Variants in NUAK2 observed in about 807,000 individuals in gnomAD.
The protein encoded by NUAK2 is NUAK family SNF1-like kinase 2.
Under a neutral mutation model 29.8 loss-of-function variants are expected in NUAK2, and 20 were observed. The observed-to-expected ratio is 0.67, with a 90% CI of 0.47 to 0.98. The LOEUF is 0.98. NUAK2 is among the 50% of genes least tolerant of loss of function. NUAK2 has a pLI of 0.00. For synonymous variants in NUAK2, 331 were observed against 342.6 expected, an observed-to-expected ratio of 0.97 and a Z score of 0.37; for missense variants, 719 against 834.5, an observed-to-expected ratio of 0.86 and a Z score of 1.71.
In NUAK2 at chr1:205,308,799, C is replaced by T. The variant is rs1267396222; in HGVS notation, c.353-67G>A. 4 of 1,567,880 alleles carry T rather than the reference C, an allele frequency of 2.6e-6. No homozygotes were observed. The Admixed American group carries it at 6.8e-5, about 27-fold the overall frequency. ...GCACTGCTCTCCACTGGGGGTGACT[C>T]ACTCCTCCCCGACCCCAGGCCCCAA... On this transcript the variant is annotated intron_variant, in intron 2 of 6. Coordinates refer to ENST00000367157, the MANE Select transcript of NUAK2 (RefSeq NM_030952.3). This position sits in a 1 kb window ranked among gnomAD's most constrained non-coding sequence, Gnocchi z 4.1.
At chr1:205,306,798 G>A (rs940107230) in intron 4 of NUAK2, among the ~76,000 whole-genome samples, 3 of 152,154 alleles carry the variant, frequency 2.0e-5, no homozygotes, top group Non-Finnish European at 1.5e-5. Flanking sequence ...GATGTTTAGT[G>A]ATGGAAAGGA....
Position 205,302,942 on chromosome 1 carries a change from C to G in NUAK2, c.*508G>C, listed in dbSNP as rs1463358580. 6.6e-6 allele frequency: 1 copy of G among 152,346 alleles called. No individual in the cohort carries two copies. The highest frequency in any genetic ancestry group is 2.4e-5 in the African/African-American group (1 of 41,436). The allele number at this position is 152,346 out of a possible 1,614,324, so 9.4% of individuals were successfully genotyped here. On this transcript the variant is annotated 3_prime_UTR_variant, in exon 7 of 7. Coordinates refer to ENST00000367157, the MANE Select transcript of NUAK2 (RefSeq NM_030952.3). ...TAAAAATAAAAATAACGAAGCGTTA[C>G]TCCAGACCATTCCCAGGATGCCTCA...
At chr1:205,313,140 T>C (rs1349607647) in intron 1 of NUAK2, among the ~76,000 whole-genome samples, 2 of 152,070 alleles carry the variant, frequency 1.3e-5, no homozygotes, top group Non-Finnish European at 2.9e-5. Flanking sequence ...TTCTGGAGAT[T>C]GGTTTACAAC....
In NUAK2 at chr1:205,303,485, G is replaced by A. The variant is rs138419867; in HGVS notation, c.1852C>T (p.Arg618Ter). ...TDCQEVTATY[R>*]QALRVCSKLT ...TTTGAGCAGACCCTCAGTGCCTGTCGGTAGGTCGCTGTCACCTCCTGGCAG... is the reference window on the plus strand; with the variant it reads ...TTTGAGCAGACCCTCAGTGCCTGTCAGTAGGTCGCTGTCACCTCCTGGCAG... Residue 618 changes from arginine to a stop codon, truncating the protein, a stop_gained, in exon 7 of 7, where the codon CGA becomes TGA. Coordinates refer to ENST00000367157, the MANE Select transcript of NUAK2 (RefSeq NM_030952.3). LOFTEE classifies it high-confidence loss of function. 60 of 1,605,528 alleles carry A rather than the reference G, an allele frequency of 3.7e-5. No individual in the cohort carries two copies. The highest frequency in any genetic ancestry group is 8.9e-5 in the East Asian group (4 of 44,832).
rs369417093 is a variant in NUAK2 at position 205,308,568 on chromosome 1, G to A, written c.504+13C>T. ...ACCCACTGAGAATATGGCTGGAGCA[G>A]GTAGGTGCTCACCTGATGGCAATAG... On this transcript the variant is annotated intron_variant, in intron 3 of 6. Transcript: ENST00000367157. This position sits in a 1 kb window ranked among gnomAD's most constrained non-coding sequence, Gnocchi z 4.1. 17 of 1,610,728 alleles carry A rather than the reference G, an allele frequency of 1.1e-5. No individual in the cohort carries two copies. The highest frequency in any genetic ancestry group is 5.0e-5 in the Admixed American group (3 of 59,972).
intron 1 of NUAK2, among the ~76,000 whole-genome samples, chr1:205,316,740 T>C (rs1662333517): frequency 6.6e-6 from 1 of 152,226 alleles, no homozygotes; most frequent in African/African-American, 2.4e-5. Flanking sequence ...GCTAGCCAAG[T>C]ATTATTATAA....
At chr1:205,314,088 C>T (rs531374554) in intron 1 of NUAK2, among the ~76,000 whole-genome samples, 1 of 152,338 alleles carries the variant, frequency 6.6e-6, no homozygotes, top group East Asian at 1.9e-4. Context: ...GGCAGCAGGC[C>T]CTGCCGGCCT....
At position 205,303,354 on chromosome 1, in the gene NUAK2, T is replaced by C. The variant is rs777716299; in HGVS notation, c.*96A>G. On this transcript the variant is annotated 3_prime_UTR_variant, in exon 7 of 7. Coordinates refer to ENST00000367157, the MANE Select transcript of NUAK2 (RefSeq NM_030952.3). ...ACCCTCTCAGCCTTCTGAGCTGGGA[T>C]GCAGGTCCTGGGAGGTGGGGGAGAA... is the stretch of plus-strand genomic sequence containing the variant. 2 of 1,107,966 alleles carry C rather than the reference T, an allele frequency of 1.8e-6. No individual in the cohort carries two copies. Among genetic ancestry groups the C allele is most frequent in the Non-Finnish European group, 2.6e-6 (2 of 783,442 alleles). 68.6% of individuals were successfully genotyped at this position (1,107,966 alleles called of 1,614,324 possible).
chr1:205,319,413 T>G (rs1163619657), intron 1 of NUAK2, among the ~76,000 whole-genome samples: 1 of 152,164 alleles, frequency 6.6e-6, no homozygotes, highest in Non-Finnish European at 1.5e-5. Context: ...GATCTCTCTC[T>G]TACTCTCTCT....
intron 1 of NUAK2, among the ~76,000 whole-genome samples, chr1:205,317,374 G>C (rs1662343364): frequency 6.6e-6 from 1 of 152,234 alleles, no homozygotes; most frequent in Non-Finnish European, 1.5e-5. Context: ...TGGAGCAGCT[G>C]CTGTCTGGGA....
chr1:205,311,641 GC>G lies in NUAK2; in HGVS notation c.352+63del. On this transcript the variant is annotated intron_variant, in intron 2 of 6. Transcript: ENST00000367157. ...TGTTTCTTCTGACACATGTACATAC[GC>G]ATGTGAACACACACATGCACACACA... 3 of 1,579,560 alleles carry G rather than the reference GC, an allele frequency of 1.9e-6. No individual in the cohort carries two copies. The South Asian group carries it at 3.3e-5, about 18-fold the overall frequency.
chr1:205,317,163 T>C (rs374946369), intron 1 of NUAK2, among the ~76,000 whole-genome samples: 75 of 152,244 alleles, frequency 4.9e-4, no homozygotes, highest in African/African-American at 1.7e-3. Flanking sequence ...TGTGGCTCAA[T>C]TGGTAAACAC....
Position 205,321,685 on chromosome 1 carries a change from C to A in NUAK2, c.-57G>T, listed in dbSNP as rs1333013708. On this transcript the variant is annotated 5_prime_UTR_variant, in exon 1 of 7. Transcript: ENST00000367157. ...GAATCAGTAGGCTGTGCGGGGAGGG[C>A]TGAAGCGCGGGGCACAGGTCCCGCA... 12 of 1,455,818 alleles carry A rather than the reference C, an allele frequency of 8.2e-6. No individual in the cohort carries two copies. The highest frequency in any genetic ancestry group is 1.1e-5 in the Non-Finnish European group (12 of 1,068,296). 90.2% of individuals were successfully genotyped at this position (1,455,818 alleles called of 1,614,324 possible).
chr1:205,320,152 T>G (rs1159873535), intron 1 of NUAK2, among the ~76,000 whole-genome samples: 1 of 152,240 alleles, frequency 6.6e-6, no homozygotes, highest in African/African-American at 2.4e-5. Flanking sequence ...AACTCAAGTT[T>G]GAGAACCAGT....
intron 5 of NUAK2, 74 bp from the exon 6 acceptor site, chr1:205,305,405 G>A: frequency 1.3e-6 from 2 of 1,551,556 alleles, no homozygotes; most frequent in Non-Finnish European, 1.7e-6. Flanking sequence ...AGAACTCAGA[G>A]GCCAGCACAC....
chr1:205,310,926 T>C (rs898284409), intron 2 of NUAK2, among the ~76,000 whole-genome samples: 1 of 152,184 alleles, frequency 6.6e-6, no homozygotes, highest in Non-Finnish European at 1.5e-5. Flanking sequence ...CTCTATTTTT[T>C]TCCCCACCAG....
chr1:205,304,210 T>A lies in NUAK2; in HGVS notation c.1127A>T (p.Lys376Met). ...GGCCATGTCATTCTCCTTGCGGGACTTCTTGAGCGAATGCTGGCGCTCCAG... is the reference window on the plus strand; with the variant it reads ...GGCCATGTCATTCTCCTTGCGGGACATCTTGAGCGAATGCTGGCGCTCCAG... Reference protein sequence around the residue: ...PGLERQHSLKKSRKENDMAQS... With the variant: ...PGLERQHSLKMSRKENDMAQS... Residue 376 changes from lysine to methionine, a missense_variant, in exon 7 of 7, where the codon AAG becomes ATG. Lys to Met is a moderately conservative substitution (Grantham distance 95). This residue lies in a region of NUAK2 where 430 missense variants were observed against 465.7 expected (regional missense o/e 0.92). Coordinates refer to ENST00000367157, the MANE Select transcript of NUAK2 (RefSeq NM_030952.3). This position sits in a 1 kb window ranked among gnomAD's most constrained non-coding sequence, Gnocchi z 6.5. 1.2e-6 allele frequency: 2 copies of A among 1,614,184 alleles called. No homozygotes were observed. The highest frequency in any genetic ancestry group is 1.7e-6 in the Non-Finnish European group (2 of 1,180,026).
chr1:205,310,337 G>A (rs1179101544), intron 2 of NUAK2, among the ~76,000 whole-genome samples: 4 of 152,184 alleles, frequency 2.6e-5, no homozygotes, highest in African/African-American at 9.7e-5. Context: ...AGCCAGCCAG[G>A]GCACATTTTG....
At chr1:205,316,706 C>T (rs1026451455) in intron 1 of NUAK2, among the ~76,000 whole-genome samples, 2 of 152,186 alleles carry the variant, frequency 1.3e-5, no homozygotes, top group Admixed American at 1.3e-4. Context: ...AGAAATGGGC[C>T]ACCTGCTACT....
Sources: gnomAD v4.1 joint callset for allele counts (sites outside exome capture counted in the v4.1 genomes callset) on GRCh38, gnomAD v4.1.1 for gene constraint, gnomAD v4.1.1 regional missense constraint, Gnocchi (gnomAD v3.1) non-coding constraint, MANE v1.5 for transcripts, NCBI Gene and HGNC (gene_info 2026-07-23, HGNC 2026-07-21) for gene names.